ZXDC: variants seen among roughly 807,000 people sequenced by gnomAD.
ZXDC encodes the protein ZXD family zinc finger C, also known as zinc finger protein ZXDC.
ZXDC carries 58 observed loss-of-function variants against 63.6 expected under a neutral mutation model. That is an observed-to-expected ratio of 0.91 (90% CI 0.74 to 1.13). The LOEUF is 1.13. Ranked by LOEUF, ZXDC falls within the 50% of genes most tolerant of loss-of-function variation. The pLI, the probability that ZXDC is intolerant of heterozygous loss-of-function variation, is 0.00. For synonymous variants in ZXDC, 561 were observed against 496.1 expected, an observed-to-expected ratio of 1.13 and a Z score of -1.74; for missense variants, 1,133 against 1,148.9, an observed-to-expected ratio of 0.99 and a Z score of 0.20.
chr3:126,475,617 G>A lies in ZXDC; in HGVS notation c.249C>T (p.His83=), dbSNP rs200819139. The A allele has an allele frequency of 8.2e-4, 1,209 of 1,473,682 alleles. 4 individuals are homozygous for A. The highest frequency in any genetic ancestry group is 9.1e-4 in the Non-Finnish European group (1,010 of 1,110,984). The allele number at this position is 1,473,682 out of a possible 1,614,324, so 91.3% of individuals were successfully genotyped here. A position where few individuals can be genotyped will look rare whatever the true frequency, so the allele number is the denominator to read the frequency against. ...CGGCAGCCTCGGCGGCAGCGCCGCC[G>A]TGCGGCACTTCCAGCAGCACCAAGA... ...DSFLVLLEVP[H]GGAAAEAAGS... The change falls in exon 1 of 10, where the codon CAC becomes CAT. Residue 83 remains histidine, a synonymous_variant. Coordinates refer to ENST00000389709, the MANE Select transcript of ZXDC (RefSeq NM_025112.5).
chr3:126,462,071 C>T lies in ZXDC; in HGVS notation c.1591G>A (p.Glu531Lys). 1.9e-6 allele frequency: 3 copies of T among 1,614,142 alleles called. No homozygotes were observed. Among genetic ancestry groups the T allele is most frequent in the South Asian group, 1.1e-5 (1 of 91,080 alleles). ...NASGSAGGSD[E>K]ALNSGILTID... ...GTCAGGATTCCGGAGTTCAGAGCCT[C>T]ATCCGACCCACCTGCAGAACCACTA... The change falls in exon 6 of 10, where the codon GAG becomes AAG. Residue 531 changes from glutamate to lysine, a missense_variant. Coordinates refer to ENST00000389709, the MANE Select transcript of ZXDC (RefSeq NM_025112.5).
At chr3:126,453,169 A>G (rs1445396357) in intron 7 of ZXDC, 1 of 985,332 alleles carries the variant, frequency 1.0e-6, no homozygotes, top group African/African-American at 1.7e-5. Context: ...TTGTTTTCCT[A>G]GAAAACTCTG....
chr3:126,442,384 A>C (rs1167577052), intron 7 of ZXDC: 1 of 154,822 alleles, frequency 6.5e-6, no homozygotes, highest in African/African-American at 2.4e-5. Context: ...GCCTCTGTCC[A>C]GCTCCTTTCC....
At chr3:126,443,278 G>A (rs1354072731) in intron 7 of ZXDC, 1 of 152,190 alleles carries the variant, frequency 6.6e-6, no homozygotes, top group Non-Finnish European at 1.5e-5. Flanking sequence ...CCCTCGCTCT[G>A]GATCATCTCT....
intron 7 of ZXDC, among the ~76,000 whole-genome samples, chr3:126,449,535 C>T (rs979005172): frequency 6.6e-6 from 1 of 152,262 alleles, no homozygotes; most frequent in African/African-American, 2.4e-5. Context: ...CACACCTCAC[C>T]TGGCGGTCCT....
chr3:126,466,313 C>G lies in ZXDC; in HGVS notation c.1283G>C (p.Arg428Thr). 6.2e-7 allele frequency: 1 copy of G among 1,614,202 alleles called. No homozygotes were observed. Among genetic ancestry groups the G allele is most frequent in the Non-Finnish European group, 8.5e-7 (1 of 1,180,042 alleles). ...GTACAGACTGCTACGAGCGGAGAAC[C>G]TCGCGCAACATCCTGGAACAAAAAG... ...FECPVEGCCA[R>T]FSARSSLYIH... Residue 428 changes from arginine to threonine, a missense_variant, in exon 5 of 10, where the codon AGG (arginine) becomes ACG (threonine). Transcript: ENST00000389709.
At chr3:126,441,474 C>T (rs1000361189) in intron 8 of ZXDC, 20 of 1,190,660 alleles carry the variant, frequency 1.7e-5, no homozygotes, top group Middle Eastern at 3.3e-4. Context: ...GGCAGGGAGG[C>T]GGGCTACTCT....
chr3:126,455,060 C>G (rs953435672), intron 7 of ZXDC: 153 of 985,328 alleles, frequency 1.6e-4, no homozygotes, highest in Non-Finnish European at 1.8e-4. Flanking sequence ...ATTCCATTAA[C>G]AGTCCTGTTA....
intron 8 of ZXDC, chr3:126,441,204 AT>A: frequency 1.0e-6 from 1 of 985,750 alleles, no homozygotes; most frequent in Non-Finnish European, 1.2e-6. Flanking sequence ...AGCTGCAGGT[AT>A]CTGTGGCCCG....
intron 7 of ZXDC, among the ~76,000 whole-genome samples, chr3:126,457,012 G>A (rs951670596): frequency 1.3e-5 from 2 of 152,216 alleles, no homozygotes; most frequent in African/African-American, 4.8e-5. Flanking sequence ...CCCACAGGGA[G>A]GACGGTCCAG....
chr3:126,451,879 A>G (rs1384656650), intron 7 of ZXDC: 1 of 984,632 alleles, frequency 1.0e-6, no homozygotes, highest in Non-Finnish European at 1.2e-6. Flanking sequence ...GCAGGTCTCC[A>G]CCTCATAGGG....
chr3:126,473,147 T>C (rs1935041110), intron 1 of ZXDC, among the ~76,000 whole-genome samples: 1 of 152,212 alleles, frequency 6.6e-6, no homozygotes, highest in Non-Finnish European at 1.5e-5. Context: ...ATGCTGATCT[T>C]TGGCCTCAAT....
chr3:126,475,571 C>T lies in ZXDC; in HGVS notation c.295G>A (p.Gly99Ser). ...EAAGSQEAEP[G>S]SRVNLASRPE... ...CGGCTCGCCAGGTTGACACGGGAGC[C>T]AGGCTCGGCCTCCTGTGATCCGGCA... The change falls in exon 1 of 10, where the codon GGC becomes AGC. Residue 99 changes from glycine to serine, a missense_variant. Physicochemically the swap from Gly to Ser is moderately conservative, Grantham distance 56 (BLOSUM62 0). Transcript: ENST00000389709. The T allele has an allele frequency of 1.4e-6, 2 of 1,428,136 alleles. No individual in the cohort carries two copies. Among genetic ancestry groups the T allele is most frequent in the Non-Finnish European group, 1.8e-6 (2 of 1,086,140 alleles). The allele number at this position is 1,428,136 out of a possible 1,614,324, so 88.5% of individuals were successfully genotyped here.
chr3:126,455,964 C>G (rs1215567446), intron 7 of ZXDC, among the ~76,000 whole-genome samples: 2 of 151,848 alleles, frequency 1.3e-5, no homozygotes, highest in Non-Finnish European at 2.9e-5. Context: ...CGCGCCACTG[C>G]TCTCCAGCCG....
At chr3:126,450,420 C>A in intron 7 of ZXDC, 1 of 456,748 alleles carries the variant, frequency 2.2e-6, no homozygotes, top group South Asian at 1.5e-5. Flanking sequence ...ACATCTGCCC[C>A]AGGGGTGTAC....
intron 7 of ZXDC, among the ~76,000 whole-genome samples, chr3:126,450,936 G>A (rs147711285): frequency 1.4e-3 from 207 of 152,214 alleles, no homozygotes; most frequent in African/African-American, 4.7e-3. Context: ...AGGGGGTCCC[G>A]GGGTGGCCAC....
At chr3:126,470,761 T>C in intron 4 of ZXDC, 134 bp downstream of exon 4, 3 of 1,296,000 alleles carry the variant, frequency 2.3e-6, no homozygotes, top group Non-Finnish European at 3.2e-6. Context: ...ATGAGGTAAG[T>C]AAACATAATG....
chr3:126,450,388 GCACCCT>G (rs1447391956), intron 7 of ZXDC: 4 of 456,548 alleles, frequency 8.8e-6, no homozygotes, highest in Non-Finnish European at 1.8e-5. Flanking sequence ...AGAGATCCAC[GCACCCT>G]CCCCTGTTAG....
At chr3:126,445,264 T>A (rs1933839469) in intron 7 of ZXDC, among the ~76,000 whole-genome samples, 1 of 152,092 alleles carries the variant, frequency 6.6e-6, no homozygotes, top group Admixed American at 6.5e-5. Context: ...AAGTAATACA[T>A]TCTTTGACAA....
Sources: gnomAD v4.1 joint callset for allele counts (sites outside exome capture counted in the v4.1 genomes callset) on GRCh38, gnomAD v4.1.1 for gene constraint, MANE v1.5 for transcripts, NCBI Gene and HGNC (gene_info 2026-07-23, HGNC 2026-07-21) for gene names.